The following CDH4 variants were observed in gnomAD, a reference collection of about 807,000 sequenced individuals.
CDH4 encodes the protein cadherin-4.
CDH4 carries 33 observed loss-of-function variants against 86.0 expected under a neutral mutation model. That is an observed-to-expected ratio of 0.38 (90% CI 0.29 to 0.51). The LOEUF is 0.51. Among genes scored for constraint, CDH4 ranks in the 20% least tolerant of loss-of-function variants. The probability of loss-of-function intolerance (pLI) is 0.86; values close to 1 mark genes in which losing one functional copy is unlikely to be tolerated. For synonymous variants in CDH4, 555 were observed against 549.4 expected (o/e 1.01, Z -0.14); for missense variants, 1,114 against 1,307.4 (o/e 0.85, Z 2.28).
intron 2 of CDH4, among the ~76,000 whole-genome samples, chr20:61,395,272 G>T (rs1361468667): frequency 6.6e-6 from 1 of 151,892 alleles, no homozygotes. Flanking sequence ...AATTATATAT[G>T]GGAACTCCTG....
intron 2 of CDH4, among the ~76,000 whole-genome samples, chr20:61,530,379 C>T (rs1279510622): frequency 3.3e-5 from 5 of 152,112 alleles, no homozygotes; most frequent in African/African-American, 1.2e-4. Context: ...AGTGGCCCTT[C>T]CTTAGAATCC....
intron 2 of CDH4, among the ~76,000 whole-genome samples, chr20:61,545,594 A>G (rs1447218011): frequency 6.6e-6 from 1 of 152,030 alleles, no homozygotes; most frequent in African/African-American, 2.4e-5. Context: ...TGATCACCCT[A>G]CAAATTCATT....
intron 2 of CDH4, among the ~76,000 whole-genome samples, chr20:61,290,588 A>G (rs2084315605): frequency 6.6e-6 from 1 of 152,246 alleles, no homozygotes; most frequent in Non-Finnish European, 1.5e-5. Flanking sequence ...CATGTTGACT[A>G]CCTGCCCTGG....
intron 2 of CDH4, among the ~76,000 whole-genome samples, chr20:61,387,889 G>A (rs2084961194): frequency 7.4e-6 from 1 of 135,478 alleles, no homozygotes; most frequent in Non-Finnish European, 1.6e-5. Context: ...CTCCACTGCC[G>A]CCCAGATCCA....
intron 2 of CDH4, among the ~76,000 whole-genome samples, chr20:61,664,164 C>A (rs2145836182): frequency 6.6e-6 from 1 of 152,312 alleles, no homozygotes; most frequent in Admixed American, 6.5e-5. Context: ...TGCCTCCCTG[C>A]ACAGGGTCAC....
intron 2 of CDH4, among the ~76,000 whole-genome samples, chr20:61,595,698 C>T (rs544918468): frequency 7.2e-5 from 11 of 152,242 alleles, no homozygotes; most frequent in African/African-American, 1.9e-4. Context: ...AGGCTCGTTT[C>T]GATACTAGAG....
Position 61,743,764 on chromosome 20 carries a change from C to A in CDH4, c.371C>A (p.Thr124Asn). 6.2e-7 allele frequency: 1 copy of A among 1,606,098 alleles called. No homozygotes were observed. The highest frequency in any genetic ancestry group is 8.5e-7 in the Non-Finnish European group (1 of 1,176,774). ...DAVVRLLVAQTSSPHSGHKPQ... is the reference protein window; with the variant it reads ...DAVVRLLVAQNSSPHSGHKPQ... ...GTGGTGCGGTTGCTGGTGGCCCAGACCTCGTCCCCGCACTCTGGACACAAG... is the reference window on the plus strand; with the variant it reads ...GTGGTGCGGTTGCTGGTGGCCCAGAACTCGTCCCCGCACTCTGGACACAAG... The change falls in exon 3 of 16, where the codon ACC (threonine) becomes AAC (asparagine). Residue 124 changes from threonine (T) to asparagine (N), a missense_variant. By Grantham distance (65) the Thr-to-Asn change is moderately conservative. This residue lies in a region of CDH4 where 221 missense variants were observed against 209.5 expected (regional missense o/e 1.05). Transcript: ENST00000614565.
intron 2 of CDH4, among the ~76,000 whole-genome samples, chr20:61,573,231 C>A (rs1011395941): frequency 1.3e-5 from 2 of 152,176 alleles, no homozygotes; most frequent in Admixed American, 1.3e-4. Context: ...TAGAACCCCA[C>A]CCAGCAGGGA....
chr20:61,815,681 G>A (rs979174584), intron 4 of CDH4, among the ~76,000 whole-genome samples: 8 of 152,264 alleles, frequency 5.3e-5, no homozygotes, highest in Non-Finnish European at 8.8e-5. Context: ...CTGAGAGATT[G>A]TGCTTTCGAC....
intron 2 of CDH4, among the ~76,000 whole-genome samples, chr20:61,316,381 T>G (rs549512735): frequency 1.1e-4 from 17 of 152,330 alleles, no homozygotes; most frequent in African/African-American, 4.1e-4. Flanking sequence ...AGTTGAAGGC[T>G]CTAACAAGTT....
At chr20:61,700,871 C>G (rs2087768016) in intron 2 of CDH4, among the ~76,000 whole-genome samples, 1 of 152,236 alleles carries the variant, frequency 6.6e-6, no homozygotes, top group East Asian at 1.9e-4. Context: ...CTGATCTTGA[C>G]AGCGGACCGA....
intron 2 of CDH4, among the ~76,000 whole-genome samples, chr20:61,285,819 C>T (rs907385726): frequency 6.6e-6 from 1 of 152,244 alleles, no homozygotes; most frequent in African/African-American, 2.4e-5. Context: ...GCGCAGACGC[C>T]CCTGAAAGCC....
intron 2 of CDH4, among the ~76,000 whole-genome samples, chr20:61,710,883 G>A (rs567357530): frequency 7.2e-4 from 109 of 152,324 alleles, no homozygotes; most frequent in African/African-American, 2.4e-3. Flanking sequence ...CGCGCCTGCC[G>A]GGGAGAGTGC....
chr20:61,909,232 C>T (rs551862826), intron 8 of CDH4, among the ~76,000 whole-genome samples: 1 of 152,270 alleles, frequency 6.6e-6, no homozygotes, highest in South Asian at 2.1e-4. Context: ...CTCCAGCGCC[C>T]GTCCTGGGAG....
chr20:61,648,771 T>C (rs1274276421), intron 2 of CDH4, among the ~76,000 whole-genome samples: 1 of 152,140 alleles, frequency 6.6e-6, no homozygotes, highest in Admixed American at 6.5e-5. Flanking sequence ...GTTACGGGGA[T>C]AGCAATGGCC....
chr20:61,908,507 G>C (rs1007413949), intron 8 of CDH4, among the ~76,000 whole-genome samples: 2 of 152,306 alleles, frequency 1.3e-5, no homozygotes, highest in African/African-American at 2.4e-5. Context: ...CACCGGCTCT[G>C]AGATTCTGGG....
intron 2 of CDH4, among the ~76,000 whole-genome samples, chr20:61,578,434 CTG>C (rs759875548): frequency 1.4e-4 from 21 of 152,200 alleles, no homozygotes; most frequent in African/African-American, 2.7e-4. Flanking sequence ...TGCAAAATAA[CTG>C]GGGATTTTCT....
chr20:61,283,533 A>G (rs113968273), intron 2 of CDH4, among the ~76,000 whole-genome samples: 7,873 of 60,522 alleles, frequency 0.13, 1,524 homozygotes, highest in Admixed American at 0.17. Context: ...ATGTAGGTGC[A>G]TTTACACGCG....
chr20:61,268,409 G>A (rs2084168023), intron 2 of CDH4, among the ~76,000 whole-genome samples: 2 of 152,266 alleles, frequency 1.3e-5, no homozygotes, highest in South Asian at 4.1e-4. Flanking sequence ...AGGCCAACAG[G>A]TCAGTGGGCT....
Sources: allele counts gnomAD v4.1 joint callset (sites outside exome capture counted in the v4.1 genomes callset), GRCh38; gene constraint gnomAD v4.1.1; regional missense constraint gnomAD v4.1.1; transcripts MANE v1.5; gene names NCBI Gene and HGNC (gene_info 2026-07-23, HGNC 2026-07-21).